Variants in RNF4 observed in about 807,000 individuals in gnomAD.
The protein encoded by RNF4 is E3 ubiquitin-protein ligase RNF4.
In RNF4, 7 loss-of-function variants were observed where a neutral mutation model predicts 24.3. That is an observed-to-expected ratio of 0.29 (90% CI 0.16 to 0.54). The LOEUF (loss-of-function observed/expected upper bound fraction) is 0.54. RNF4 is among the 20% of genes least tolerant of loss of function. RNF4 has a pLI of 0.95. For synonymous variants in RNF4, 83 were observed against 84.3 expected, an observed-to-expected ratio of 0.98 and a Z score of 0.09; for missense variants, 209 against 248.5, an observed-to-expected ratio of 0.84 and a Z score of 1.07.
intron 1 of RNF4, among the ~76,000 whole-genome samples, chr4:2,471,661 C>G (rs1190975739): frequency 6.6e-6 from 1 of 152,204 alleles, no homozygotes; most frequent in Admixed American, 6.5e-5. Flanking sequence ...TAAAATGCTA[C>G]TCCAATGAAT....
chr4:2,512,243 T>A lies in RNF4; in HGVS notation c.215-195T>A. 1.4e-6 allele frequency: 1 copy of A among 706,220 alleles called. No homozygotes were observed. Among genetic ancestry groups the A allele is most frequent in the Non-Finnish European group, 2.4e-6 (1 of 425,404 alleles). 43.7% of individuals were successfully genotyped at this position (706,220 alleles called of 1,614,324 possible). A position where few individuals can be genotyped will look rare whatever the true frequency, so the allele number is the denominator to read the frequency against. On this transcript the variant is annotated intron_variant, in intron 5 of 7. Transcript: ENST00000314289. The surrounding 1 kb of genome is among the most constrained non-coding windows in gnomAD (Gnocchi z 4.1). ...GTAGCTCACAGCAGGGGTTGGGGGGTTTCTCCTGGGAAGATAAGATAGTGG... is the reference window on the plus strand; with the variant it reads ...GTAGCTCACAGCAGGGGTTGGGGGGATTCTCCTGGGAAGATAAGATAGTGG...
intron 1 of RNF4, 76 bp from the exon 2 acceptor site, chr4:2,490,261 A>C: frequency 1.9e-6 from 1 of 530,684 alleles, no homozygotes; most frequent in Non-Finnish European, 3.4e-6. Context: ...AGGAAGGACC[A>C]GTACATTATT....
At chr4:2,507,713 A>T (rs552479386) in intron 4 of RNF4, among the ~76,000 whole-genome samples, 1 of 152,292 alleles carries the variant, frequency 6.6e-6, no homozygotes, top group Admixed American at 6.5e-5. Flanking sequence ...TAGAAGCACA[A>T]AGGGGCTTCG....
intron 1 of RNF4, chr4:2,470,968 T>C (rs1734887724): frequency 6.8e-6 from 1 of 148,004 alleles, no homozygotes; most frequent in South Asian, 2.3e-4. Flanking sequence ...CACACTTTTT[T>C]TTTTTTTTTT....
chr4:2,507,431 G>C (rs957911958), intron 4 of RNF4, among the ~76,000 whole-genome samples: 1 of 152,198 alleles, frequency 6.6e-6, no homozygotes, highest in Non-Finnish European at 1.5e-5. Flanking sequence ...TGCCAGTGCC[G>C]CAAGTAACAG....
Position 2,479,038 on chromosome 4 carries a change from C to G in RNF4, c.-158+9780C>G, listed in dbSNP as rs144896551. ...CATGGGAACTCACCTCTTGGATCAG[C>G]GTGACCTGGATGTGAGACATGGAGT... On this transcript the variant is annotated intron_variant, in intron 1 of 7. Coordinates refer to ENST00000314289, the MANE Select transcript of RNF4 (RefSeq NM_002938.5). Among the ~76,000 whole-genome samples the G allele has an allele frequency of 2.0e-5, 3 of 152,206 alleles. 1 individual carries two copies. The highest frequency in any genetic ancestry group is 4.4e-5 in the Non-Finnish European group (3 of 68,030).
In RNF4 at chr4:2,515,072, G is replaced by A. The variant is rs1162563247; in HGVS notation, c.*1253G>A. On this transcript the variant is annotated 3_prime_UTR_variant, in exon 8 of 8. Coordinates refer to ENST00000314289, the MANE Select transcript of RNF4 (RefSeq NM_002938.5). ...GCACAGGGCCTGGGGGGTGGCTAAC[G>A]AGAGAGGCCTTACAGTGCCGGCATG... 2.0e-5 allele frequency: 3 copies of A among 152,468 alleles called. No individual in the cohort carries two copies. Among genetic ancestry groups the A allele is most frequent in the East Asian group, 1.9e-4 (1 of 5,176 alleles). 9.4% of individuals were successfully genotyped at this position (152,468 alleles called of 1,614,324 possible).
chr4:2,471,666 A>G (rs1578493377), intron 1 of RNF4, among the ~76,000 whole-genome samples: 3 of 152,236 alleles, frequency 2.0e-5, no homozygotes, highest in South Asian at 4.1e-4. Context: ...TGCTACTCCA[A>G]TGAATACATG....
rs1360421802 is a variant in RNF4 at position 2,500,568 on chromosome 4, C to CTG, written c.125-90_125-89insGT. 7.6e-5 allele frequency: 79 copies of CTG among 1,043,360 alleles called. No individual in the cohort carries two copies. In the South Asian group the frequency reaches 8.7e-4, roughly 11 times the overall value. The allele number at this position is 1,043,360 out of a possible 1,614,324, so 64.6% of individuals were successfully genotyped here. A position where few individuals can be genotyped will look rare whatever the true frequency, so the allele number is the denominator to read the frequency against. On this transcript the variant is annotated intron_variant, in intron 3 of 7. Transcript: ENST00000314289. Reference sequence around the variant, plus strand: ...AGGATTGTTTTAGTTTGGGGTAAGCCTATAACATTAGCAGTCATACTAAAG... The same window carrying CTG: ...AGGATTGTTTTAGTTTGGGGTAAGCCTGTATAACATTAGCAGTCATACTAAAG...
chr4:2,493,586 A>G (rs1735644941), intron 2 of RNF4, among the ~76,000 whole-genome samples: 1 of 151,834 alleles, frequency 6.6e-6, no homozygotes, highest in Non-Finnish European at 1.5e-5. Context: ...CACTAAAAAT[A>G]CAAAAAAATT....
intron 4 of RNF4, among the ~76,000 whole-genome samples, chr4:2,503,923 G>C: frequency 6.6e-6 from 1 of 152,164 alleles, no homozygotes; most frequent in East Asian, 1.9e-4. Context: ...AGAGGTAGCC[G>C]TCAGAACATC....
At chr4:2,500,421 C>T (rs1014348186) in intron 3 of RNF4, among the ~76,000 whole-genome samples, 1 of 152,106 alleles carries the variant, frequency 6.6e-6, no homozygotes, top group South Asian at 2.1e-4. Context: ...ACATACATAA[C>T]CCCCCAGGTA....
chr4:2,491,439 T>C (rs1329479845), intron 2 of RNF4, among the ~76,000 whole-genome samples: 2 of 152,174 alleles, frequency 1.3e-5, no homozygotes, highest in African/African-American at 4.8e-5. Flanking sequence ...TTTTGCCATG[T>C]TGGCCAGGCT....
intron 1 of RNF4, among the ~76,000 whole-genome samples, chr4:2,473,762 G>A (rs918590331): frequency 1.3e-5 from 2 of 151,096 alleles, no homozygotes; most frequent in Non-Finnish European, 3.0e-5. Flanking sequence ...GGTGAGCCGA[G>A]ATCACACTAC....
intron 1 of RNF4, among the ~76,000 whole-genome samples, chr4:2,470,387 A>G (rs762180971): frequency 1.3e-5 from 2 of 152,228 alleles, no homozygotes; most frequent in Non-Finnish European, 2.9e-5. Flanking sequence ...TTTAATGGAC[A>G]AGGACATATT....
In RNF4 at chr4:2,512,058, A is replaced by G; in HGVS notation, c.214+93A>G. On this transcript the variant is annotated intron_variant, in intron 5 of 7. Coordinates refer to ENST00000314289, the MANE Select transcript of RNF4 (RefSeq NM_002938.5). This position sits in a 1 kb window ranked among gnomAD's most constrained non-coding sequence, Gnocchi z 4.1. ...CTGCAGGTCTTGCCAGACCATCCCC[A>G]AGGGCTTGGAGCGCTCCAAGCAGGA... 8.0e-7 allele frequency: 1 copy of G among 1,247,020 alleles called. No individual in the cohort carries two copies. The highest frequency in any genetic ancestry group is 1.1e-6 in the Non-Finnish European group (1 of 873,106). 77.2% of individuals were successfully genotyped at this position (1,247,020 alleles called of 1,614,324 possible).
At chr4:2,489,554 G>T (rs575974801) in intron 1 of RNF4, among the ~76,000 whole-genome samples, 59 of 152,148 alleles carry the variant, frequency 3.9e-4, no homozygotes, top group Non-Finnish European at 7.1e-4. Context: ...GCCCTCTGTG[G>T]GGGAGCCTGA....
chr4:2,501,809 G>A (rs1735919089), intron 4 of RNF4, among the ~76,000 whole-genome samples: 1 of 152,128 alleles, frequency 6.6e-6, no homozygotes. Flanking sequence ...ATCCTGTTTG[G>A]CTGATGCCTG....
chr4:2,500,000 CA>C (rs1735858830), intron 3 of RNF4, among the ~76,000 whole-genome samples: 1 of 151,954 alleles, frequency 6.6e-6, no homozygotes, highest in African/African-American at 2.4e-5. Flanking sequence ...ACTAAAAATA[CA>C]AACAAAATTA....
Sources: gnomAD v4.1 joint callset for allele counts (sites outside exome capture counted in the v4.1 genomes callset) on GRCh38, gnomAD v4.1.1 for gene constraint, Gnocchi (gnomAD v3.1) non-coding constraint, MANE v1.5 for transcripts, NCBI Gene and HGNC (gene_info 2026-07-23, HGNC 2026-07-21) for gene names.